The following RBFOX1 variants were observed in gnomAD, a reference collection of about 807,000 sequenced individuals.
RBFOX1 encodes the protein RNA binding protein fox-1 homolog 1.
Under a neutral mutation model 57.7 loss-of-function variants are expected in RBFOX1, and 8 were observed. The observed-to-expected ratio is 0.14, with a 90% CI of 0.08 to 0.25. The LOEUF (loss-of-function observed/expected upper bound fraction) is 0.25, where lower values mean the gene tolerates loss of function less well. RBFOX1 is among the 10% of genes least tolerant of loss of function. The pLI is 1.00. For synonymous variants in RBFOX1, 326 were observed against 222.4 expected, an observed-to-expected ratio of 1.47 and a Z score of -4.15; for missense variants, 611 against 548.5, an observed-to-expected ratio of 1.11 and a Z score of -1.14.
intron 3 of RBFOX1, among the ~76,000 whole-genome samples, chr16:5,766,037 G>A (rs2053765200): frequency 6.6e-6 from 1 of 152,208 alleles, no homozygotes; most frequent in African/African-American, 2.4e-5. Context: ...GACTAGCTTG[G>A]TAGTGTGCAC....
intron 1 of RBFOX1, among the ~76,000 whole-genome samples, chr16:5,241,240 G>A (rs1051307165): frequency 3.3e-5 from 5 of 152,152 alleles, no homozygotes; most frequent in Non-Finnish European, 5.9e-5. Context: ...CCCCGTGCAC[G>A]TTACTGCATT....
At chr16:6,978,326 C>T (rs550748604) in intron 3 of RBFOX1, among the ~76,000 whole-genome samples, 2 of 152,220 alleles carry the variant, frequency 1.3e-5, no homozygotes, top group South Asian at 4.2e-4. Context: ...TTCTTTTATC[C>T]CGGTGCTCTA....
intron 3 of RBFOX1, among the ~76,000 whole-genome samples, chr16:5,794,843 G>T (rs375412548): frequency 1.3e-5 from 2 of 152,050 alleles, no homozygotes; most frequent in Admixed American, 6.6e-5. Context: ...TGTATTAGCC[G>T]CCAAGAGGCT....
intron 1 of RBFOX1, among the ~76,000 whole-genome samples, chr16:6,182,722 A>G (rs973931201): frequency 6.6e-6 from 1 of 152,182 alleles, no homozygotes; most frequent in Non-Finnish European, 1.5e-5. Flanking sequence ...ACCTGTGGAC[A>G]TTTAGGAACG....
intron 3 of RBFOX1, among the ~76,000 whole-genome samples, chr16:6,893,461 C>G (rs2066003656): frequency 1.3e-5 from 2 of 152,180 alleles, no homozygotes; most frequent in African/African-American, 4.8e-5. Flanking sequence ...AACCTGAACT[C>G]TAGTAGCTGT....
intron 3 of RBFOX1, among the ~76,000 whole-genome samples, chr16:6,883,446 G>C (rs1390757329): frequency 6.6e-6 from 1 of 152,170 alleles, no homozygotes; most frequent in Non-Finnish European, 1.5e-5. Context: ...CATTGTACAA[G>C]ATTTTATTTG....
At chr16:5,721,950 T>A (rs911409184) in intron 3 of RBFOX1, among the ~76,000 whole-genome samples, 9 of 152,224 alleles carry the variant, frequency 5.9e-5, no homozygotes, top group African/African-American at 1.9e-4. Flanking sequence ...GGGAGAAAGC[T>A]ACCTGGAAGG....
At chr16:7,396,154 C>T (rs879705377) in intron 4 of RBFOX1, among the ~76,000 whole-genome samples, 8 of 151,972 alleles carry the variant, frequency 5.3e-5, no homozygotes, top group African/African-American at 1.2e-4. Flanking sequence ...GGAAGGAGGA[C>T]GAGAGGAAGA....
intron 14 of RBFOX1, among the ~76,000 whole-genome samples, chr16:7,697,972 T>C (rs2079320925): frequency 6.6e-6 from 1 of 151,982 alleles, no homozygotes. Flanking sequence ...GGAGTACTGG[T>C]GTAGTTGTGG....
chr16:6,841,451 A>T (rs145410009), intron 3 of RBFOX1, among the ~76,000 whole-genome samples: 12 of 152,168 alleles, frequency 7.9e-5, no homozygotes, highest in African/African-American at 2.9e-4. Context: ...TTGCTTGTCA[A>T]TAAAACCCTC....
intron 4 of RBFOX1, among the ~76,000 whole-genome samples, chr16:7,352,144 A>T (rs2097140236): frequency 6.6e-6 from 1 of 152,144 alleles, no homozygotes; most frequent in Non-Finnish European, 1.5e-5. Flanking sequence ...AAACATACTA[A>T]AGGATCTCTG....
chr16:7,242,077 T>C (rs2094094792), intron 4 of RBFOX1, among the ~76,000 whole-genome samples: 1 of 152,126 alleles, frequency 6.6e-6, no homozygotes, highest in African/African-American at 2.4e-5. Context: ...ATAACAATAA[T>C]TGAAAAGTCA....
At chr16:6,110,775 C>T (rs2096437241) in intron 1 of RBFOX1, among the ~76,000 whole-genome samples, 1 of 152,110 alleles carries the variant, frequency 6.6e-6, no homozygotes, top group African/African-American at 2.4e-5. Context: ...TGCCTTGAGA[C>T]CTATTTCACT....
chr16:5,559,716 A>G (rs1207027545), intron 2 of RBFOX1, among the ~76,000 whole-genome samples: 1 of 152,138 alleles, frequency 6.6e-6, no homozygotes, highest in East Asian at 1.9e-4. Context: ...CTTTCTTCCT[A>G]GGTCATTCTG....
At chr16:7,630,167 A>G (rs936112720) in intron 10 of RBFOX1, among the ~76,000 whole-genome samples, 7 of 152,000 alleles carry the variant, frequency 4.6e-5, no homozygotes, top group Admixed American at 1.3e-4. Flanking sequence ...GGAGGTAGGT[A>G]TATTTACCCC....
intron 3 of RBFOX1, among the ~76,000 whole-genome samples, chr16:5,646,942 C>T (rs755940927): frequency 1.3e-5 from 2 of 152,158 alleles, no homozygotes; most frequent in Non-Finnish European, 2.9e-5. Flanking sequence ...CAGGAAGACC[C>T]TCTTGATGGT....
chr16:5,528,897 G>A (rs1303187921), intron 2 of RBFOX1, among the ~76,000 whole-genome samples: 1 of 152,052 alleles, frequency 6.6e-6, no homozygotes, highest in Non-Finnish European at 1.5e-5. Context: ...TGATCCATCT[G>A]CTTCGGCCTC....
At chr16:6,725,312 A>C (rs766133975) in intron 3 of RBFOX1, among the ~76,000 whole-genome samples, 1 of 151,700 alleles carries the variant, frequency 6.6e-6, no homozygotes, top group African/African-American at 2.4e-5. Flanking sequence ...CGGCCTCCCA[A>C]AGTGCTGGGA....
At chr16:5,973,077 A>G (rs566787746) in intron 4 of RBFOX1, among the ~76,000 whole-genome samples, 2 of 152,338 alleles carry the variant, frequency 1.3e-5, no homozygotes, top group East Asian at 3.9e-4. Context: ...AAGGTTAAAG[A>G]GTCAGCTGAC....
Sources: gnomAD v4.1 joint callset for allele counts (sites outside exome capture counted in the v4.1 genomes callset) on GRCh38, gnomAD v4.1.1 for gene constraint, MANE v1.5 for transcripts, NCBI Gene and HGNC (gene_info 2026-07-23, HGNC 2026-07-21) for gene names.